EYS: variants seen among roughly 807,000 people sequenced by gnomAD.
EYS encodes EGF-like photoreceptor maintenance factor.
A neutral mutation model predicts 282.1 loss-of-function variants in EYS; 250 were observed. That is an observed-to-expected ratio of 0.89 (90% CI 0.80 to 0.98). EYS has a LOEUF of 0.98. Ranked by LOEUF, EYS falls within the 50% of genes least tolerant of loss-of-function variation. The probability of loss-of-function intolerance (pLI) is 0.00; values close to 1 mark genes in which losing one functional copy is unlikely to be tolerated. For missense variants in EYS, 4,016 were observed against 3,709.0 expected (o/e 1.08, Z -2.15); for synonymous variants, 1,355 against 1,282.9 (o/e 1.06, Z -1.20).
intron 31 of EYS, among the ~76,000 whole-genome samples, chr6:64,163,683 G>A (rs1775179035): frequency 6.6e-6 from 1 of 152,034 alleles, no homozygotes; most frequent in Non-Finnish European, 1.5e-5. Flanking sequence ...TTTGCACATG[G>A]TACTTAAGGC....
At chr6:65,374,721 G>C (rs1322046645) in intron 8 of EYS, among the ~76,000 whole-genome samples, 1 of 152,064 alleles carries the variant, frequency 6.6e-6, no homozygotes, top group African/African-American at 2.4e-5. Flanking sequence ...TGGGGATGGG[G>C]TATCCGCCTT....
At chr6:65,414,723 T>C (rs1192279681) in intron 5 of EYS, among the ~76,000 whole-genome samples, 2 of 152,140 alleles carry the variant, frequency 1.3e-5, no homozygotes, top group African/African-American at 2.4e-5. Flanking sequence ...GGTTGGTTTA[T>C]AGGCAGTTAA....
intron 26 of EYS, among the ~76,000 whole-genome samples, chr6:64,472,819 T>C (rs1485687954): frequency 1.3e-5 from 2 of 152,150 alleles, no homozygotes; most frequent in African/African-American, 4.8e-5. Flanking sequence ...AAAATCACTG[T>C]AATGACATCC....
intron 22 of EYS, among the ~76,000 whole-genome samples, chr6:64,775,474 CTT>C (rs1447629599): frequency 6.6e-6 from 1 of 151,872 alleles, no homozygotes; most frequent in African/African-American, 2.4e-5. Flanking sequence ...TCATTGTTCT[CTT>C]TTATAAAACG....
intron 22 of EYS, among the ~76,000 whole-genome samples, chr6:64,755,521 C>G (rs1362801280): frequency 5.3e-5 from 8 of 151,700 alleles, no homozygotes; most frequent in African/African-American, 1.4e-4. Flanking sequence ...CACACACACA[C>G]ACACACACAC....
chr6:64,906,241 T>C (rs1425007678), intron 16 of EYS, among the ~76,000 whole-genome samples: 2 of 151,794 alleles, frequency 1.3e-5, no homozygotes, highest in Non-Finnish European at 2.9e-5. Flanking sequence ...CAATAGTCTC[T>C]AATAAGATTT....
At chr6:65,605,179 T>C (rs1009423328) in intron 2 of EYS, among the ~76,000 whole-genome samples, 2 of 151,762 alleles carry the variant, frequency 1.3e-5, no homozygotes, top group African/African-American at 4.8e-5. Context: ...AATAAAATGT[T>C]GAAAAATTTC....
At chr6:65,375,895 A>C (rs767797035) in intron 8 of EYS, among the ~76,000 whole-genome samples, 15 of 152,166 alleles carry the variant, frequency 9.9e-5, no homozygotes, top group Non-Finnish European at 2.1e-4. Flanking sequence ...GACCAAAGGT[A>C]TGATTGACTG....
chr6:65,426,888 G>A (rs1051433596), intron 5 of EYS, among the ~76,000 whole-genome samples: 2 of 151,924 alleles, frequency 1.3e-5, no homozygotes, highest in Admixed American at 1.3e-4. Flanking sequence ...TTACATACAT[G>A]GAAATGTTGT....
chr6:63,832,802 A>G (rs151312872), intron 36 of EYS, among the ~76,000 whole-genome samples: 2,036 of 152,326 alleles, frequency 0.013, 36 homozygotes, highest in African/African-American at 0.047. Context: ...GTGAACATCA[A>G]TGTAAAAATC....
rs1209646307 is a variant in EYS, at chr6:64,104,351, G to GGA, written c.6425-22351_6425-22350dup. ...AAGCAGGATTAGCTGGTAGTAGGAA[G>GGA]GAGAGAGAGAGTGAGTGTGTGTGTG... On this transcript the variant is annotated intron_variant, in intron 31 of 42. Transcript: ENST00000503581. Among the ~76,000 whole-genome samples, 6 of 151,974 alleles carry GGA rather than the reference G, an allele frequency of 3.9e-5. No homozygotes were observed. In the South Asian group the frequency reaches 1.0e-3, roughly 26 times the overall value.
intron 35 of EYS, among the ~76,000 whole-genome samples, chr6:63,889,023 GTGGAAGAAAGGATA>G (rs1773340677): frequency 1.3e-5 from 2 of 152,142 alleles, no homozygotes; most frequent in South Asian, 4.1e-4. Context: ...AATTGATCAA[GTGGAAGAAAGGATA>G]TCAGAGATTG....
In EYS at chr6:65,677,081, C is replaced by T. The variant is rs1156342263; in HGVS notation, c.-448+30054G>A. On this transcript the variant is annotated intron_variant, in intron 1 of 42. Transcript: ENST00000503581. ...CGATGAAGGTAAAATATGTAAAGCC[C>T]ATAGCTTTATCACAGTCATTGGTGA... Among the ~76,000 whole-genome samples the T allele has an allele frequency of 1.3e-4, 17 of 130,322 alleles. No homozygotes were observed. In the Admixed American group the frequency reaches 1.3e-3, roughly 10 times the overall value. The allele number at this position is 130,322 out of a possible 152,430, so 85.5% of individuals were successfully genotyped here.
chr6:63,864,426 A>G (rs1185609634), intron 35 of EYS, 68 bp from the exon 36 acceptor site: 13 of 1,146,508 alleles, frequency 1.1e-5, no homozygotes, highest in Non-Finnish European at 1.6e-5. Flanking sequence ...ATACACATAT[A>G]TACACATGCA....
At chr6:65,044,246 T>C (rs1203956785) in intron 13 of EYS, among the ~76,000 whole-genome samples, 4 of 151,886 alleles carry the variant, frequency 2.6e-5, no homozygotes, top group Non-Finnish European at 5.9e-5. Context: ...GTGTGTTTTT[T>C]GTTATAGAGT....
At chr6:64,776,711 A>T (rs1223071108) in intron 22 of EYS, among the ~76,000 whole-genome samples, 1 of 152,090 alleles carries the variant, frequency 6.6e-6, no homozygotes, top group Non-Finnish European at 1.5e-5. Context: ...TATTAGTAAT[A>T]ATGCTTTTGG....
At chr6:64,091,026 T>C (rs958484174) in intron 31 of EYS, among the ~76,000 whole-genome samples, 3 of 152,186 alleles carry the variant, frequency 2.0e-5, no homozygotes, top group African/African-American at 7.2e-5. Flanking sequence ...TCGAAGACTG[T>C]TCTTAACTCA....
At chr6:65,037,893 G>A (rs1772818177) in intron 13 of EYS, among the ~76,000 whole-genome samples, 1 of 151,476 alleles carries the variant, frequency 6.6e-6, no homozygotes, top group South Asian at 2.1e-4. Flanking sequence ...TAAAAAACAT[G>A]AGTTTATACT....
intron 22 of EYS, among the ~76,000 whole-genome samples, chr6:64,652,891 T>G (rs1325347706): frequency 6.6e-6 from 1 of 152,292 alleles, no homozygotes; most frequent in South Asian, 2.1e-4. Context: ...TACATATGTG[T>G]GTGTGTGTTT....
Sources: allele counts gnomAD v4.1 joint callset (sites outside exome capture counted in the v4.1 genomes callset), GRCh38; gene constraint gnomAD v4.1.1; transcripts MANE v1.5; gene names NCBI Gene and HGNC (gene_info 2026-07-23, HGNC 2026-07-21).